The following CENPE variants were observed in gnomAD, a reference collection of about 807,000 sequenced individuals.
The protein encoded by CENPE is centromere-associated protein E.
Under a neutral mutation model 336.1 loss-of-function variants are expected in CENPE, and 145 were observed. The ratio of observed to expected loss-of-function variants is 0.43; its 90% CI spans 0.38 to 0.50. The LOEUF (loss-of-function observed/expected upper bound fraction) is 0.50, where lower values mean the gene tolerates loss of function less well. CENPE is among the 20% of genes least tolerant of loss of function. The probability of loss-of-function intolerance (pLI) is 0.00; values close to 1 mark genes in which losing one functional copy is unlikely to be tolerated. For synonymous variants in CENPE, 1,013 were observed against 984.8 expected, an observed-to-expected ratio of 1.03 and a Z score of -0.54; for missense variants, 2,719 against 3,023.3, an observed-to-expected ratio of 0.90 and a Z score of 2.36.
chr4:103,159,138 G>A lies in CENPE; in HGVS notation c.2473C>T (p.Leu825Phe). 6.2e-7 allele frequency: 1 copy of A among 1,609,358 alleles called. No individual in the cohort carries two copies. Among genetic ancestry groups the A allele is most frequent in the East Asian group, 2.2e-5 (1 of 44,808 alleles). ...TACTTTTGCTCAAAGTCCATATGAA[G>A]GGTTTTGAAATTTTGGAATTCTTGA... ...TDQEFQNFKT[L>F]HMDFEQKYKM... Residue 825 changes from leucine (L) to phenylalanine (F), a missense_variant, in exon 22 of 49, where the codon CTT becomes TTT. Coordinates refer to ENST00000265148, the MANE Select transcript of CENPE (RefSeq NM_001813.3).
chr4:103,135,676 C>T (rs1752005586), intron 40 of CENPE, among the ~76,000 whole-genome samples: 1 of 152,114 alleles, frequency 6.6e-6, no homozygotes, highest in African/African-American at 2.4e-5. Context: ...CTTCTGTATT[C>T]TTTAGTTTAG....
intron 41 of CENPE, 67 bp from the exon 42 acceptor site, chr4:103,132,963 T>TATATATATATATATATAC (rs1238629318): frequency 5.5e-5 from 10 of 181,990 alleles, no homozygotes; most frequent in African/African-American, 2.6e-4. Context: ...ATTTTATTTA[T>TATATATATATATATATAC]ATATATATAT....
chr4:103,154,702 A>G (rs563308840), intron 24 of CENPE, among the ~76,000 whole-genome samples: 1 of 152,346 alleles, frequency 6.6e-6, no homozygotes, highest in East Asian at 1.9e-4. Context: ...AGGTACTTCA[A>G]CTACCACAGT....
intron 18 of CENPE, among the ~76,000 whole-genome samples, chr4:103,162,884 G>A (rs929691710): frequency 5.9e-5 from 9 of 152,214 alleles, no homozygotes; most frequent in Admixed American, 1.3e-4. Flanking sequence ...TTTAATGGGA[G>A]CCTGTCCTTA....
intron 16 of CENPE, among the ~76,000 whole-genome samples, chr4:103,166,402 C>T (rs1405575637): frequency 3.3e-5 from 5 of 152,140 alleles, no homozygotes; most frequent in Admixed American, 6.5e-5. Context: ...TTCCATAAAA[C>T]CTAGTTTTAT....
chr4:103,148,928 T>A lies in CENPE; in HGVS notation c.3759A>T (p.Glu1253Asp). 12 of 1,613,624 alleles carry A rather than the reference T, an allele frequency of 7.4e-6. No individual in the cohort carries two copies. Among genetic ancestry groups the A allele is most frequent in the Non-Finnish European group, 9.3e-6 (11 of 1,179,574 alleles). The stretch of plus-strand genomic sequence containing the variant: ...TCTTCTCAGATACGCTTCTTCTTAG[T>A]TCATCAATAGTTTCTTGGTGTTCTT... ...HLKEHQETID[E>D]LRRSVSEKTA... The change falls in exon 28 of 49, where the codon GAA becomes GAT. Residue 1253 changes from glutamate (E) to aspartate (D), a missense_variant. By Grantham distance (45) the Glu-to-Asp change is conservative (BLOSUM62 2). Coordinates refer to ENST00000265148, the MANE Select transcript of CENPE (RefSeq NM_001813.3).
intron 13 of CENPE, 108 bp downstream of exon 13, chr4:103,180,203 G>A: frequency 1.0e-6 from 1 of 989,212 alleles, no homozygotes; most frequent in Non-Finnish European, 1.4e-6. Flanking sequence ...TGGGTTTCTT[G>A]AATATACTGT....
At chr4:103,166,889 A>C (rs1190455511) in intron 16 of CENPE, among the ~76,000 whole-genome samples, 1 of 152,196 alleles carries the variant, frequency 6.6e-6, no homozygotes, top group Non-Finnish European at 1.5e-5. Context: ...GGTTAAGGAC[A>C]CTTTACACTA....
chr4:103,140,098 C>T lies in CENPE; in HGVS notation c.5914-19G>A, dbSNP rs1327675559. On this transcript the variant is annotated intron_variant, in intron 37 of 48. Transcript: ENST00000265148. ...CTTGGATCTTGAGATAATTGTAAAA[C>T]AAGTTAGAATGTAAGCAGTTTCTTC... 1 of 1,583,384 alleles carries T rather than the reference C, an allele frequency of 6.3e-7. No homozygotes were observed. Among genetic ancestry groups the T allele is most frequent in the African/African-American group, 1.4e-5 (1 of 73,384 alleles).
chr4:103,153,281 C>T, intron 24 of CENPE, 31 bp from the exon 25 acceptor site: 1 of 1,450,364 alleles, frequency 6.9e-7, no homozygotes, highest in South Asian at 1.2e-5. Flanking sequence ...AGAAGAATTT[C>T]TTAAGTAGTT....
Position 103,122,329 on chromosome 4 carries a change from T to C in CENPE, c.7143+542A>G, listed in dbSNP as rs181193537. 2.2e-3 allele frequency among the ~76,000 whole-genome samples: 341 copies of C among 152,348 alleles called. 1 individual carries two copies. The highest frequency in any genetic ancestry group is 8.0e-3 in the African/African-American group (331 of 41,592). On this transcript the variant is annotated intron_variant, in intron 43 of 48. Transcript: ENST00000265148. ...ACAACATTTTACGCATGTTGTTAGA[T>C]TCCCGAGTAAGGGTAGTTAATAAGG...
chr4:103,156,078 G>A (rs1445866082), intron 24 of CENPE, among the ~76,000 whole-genome samples: 1 of 152,168 alleles, frequency 6.6e-6, no homozygotes, highest in East Asian at 1.9e-4. Flanking sequence ...AAATGTTGCT[G>A]AGAAGAAATT....
At chr4:103,127,247 G>C (rs902453176) in intron 42 of CENPE, among the ~76,000 whole-genome samples, 4 of 151,930 alleles carry the variant, frequency 2.6e-5, no homozygotes, top group Non-Finnish European at 5.9e-5. Flanking sequence ...CATACCTATA[G>C]GGGAGTGAAG....
intron 46 of CENPE, among the ~76,000 whole-genome samples, chr4:103,111,339 T>C (rs373804308): frequency 6.6e-6 from 1 of 152,192 alleles, no homozygotes; most frequent in Admixed American, 6.5e-5. Flanking sequence ...TCTACATCAG[T>C]TTTCCCCTGA....
chr4:103,196,100 T>C lies in CENPE; in HGVS notation c.239-62A>G. The C allele has an allele frequency of 1.9e-6, 3 of 1,579,866 alleles. No individual in the cohort carries two copies. The South Asian group carries it at 3.3e-5, about 17-fold the overall frequency. On this transcript the variant is annotated intron_variant, in intron 3 of 48. Transcript: ENST00000265148. The stretch of plus-strand genomic sequence containing the variant: ...AACAAACCTATAATGGGTAAAACTA[T>C]GCATGCTTGTTGCACAGACGCCCAA...
At chr4:103,183,730 C>T (rs1372369044) in intron 9 of CENPE, among the ~76,000 whole-genome samples, 1 of 152,104 alleles carries the variant, frequency 6.6e-6, no homozygotes, top group East Asian at 1.9e-4. Flanking sequence ...TGAAAAAGCT[C>T]CCTTCCACTT....
At chr4:103,122,789 G>A (rs145837625) in intron 43 of CENPE, 82 bp downstream of exon 43, 1 of 1,009,144 alleles carries the variant, frequency 9.9e-7, no homozygotes, top group South Asian at 1.4e-5. Context: ...TTCATGTTCA[G>A]TAATAAGTAA....
intron 48 of CENPE, 24 bp from the exon 49 acceptor site, chr4:103,106,340 A>G (rs892567208): frequency 1.3e-6 from 2 of 1,543,032 alleles, no homozygotes; most frequent in Non-Finnish European, 1.8e-6. Context: ...TGAAAACAAC[A>G]TTCATCCTAT....
At chr4:103,107,298 T>C (rs773401506) in intron 48 of CENPE, among the ~76,000 whole-genome samples, 28 of 152,212 alleles carry the variant, frequency 1.8e-4, no homozygotes, top group Non-Finnish European at 3.4e-4. Context: ...TTCCAAATGT[T>C]TCTGTGCCTA....
Sources: allele counts gnomAD v4.1 joint callset (sites outside exome capture counted in the v4.1 genomes callset), GRCh38; gene constraint gnomAD v4.1.1; transcripts MANE v1.5; gene names NCBI Gene and HGNC (gene_info 2026-07-23, HGNC 2026-07-21).